The following EYS variants were observed in gnomAD, a reference collection of about 807,000 sequenced individuals.
EYS encodes the protein protein eyes shut homolog.
In EYS, 250 loss-of-function variants were observed where a neutral mutation model predicts 282.1. The observed-to-expected ratio is 0.89, with a 90% CI of 0.80 to 0.98. EYS has a LOEUF of 0.98. EYS is among the 50% of genes least tolerant of loss of function. The pLI is 0.00. For synonymous variants in EYS, 1,355 were observed against 1,282.9 expected, an observed-to-expected ratio of 1.06 and a Z score of -1.20; for missense variants, 4,016 against 3,709.0, an observed-to-expected ratio of 1.08 and a Z score of -2.15.
At chr6:65,018,151 T>C (rs1214760013) in intron 13 of EYS, among the ~76,000 whole-genome samples, 2 of 152,220 alleles carry the variant, frequency 1.3e-5, no homozygotes, top group African/African-American at 4.8e-5. Context: ...ATGTGTAATA[T>C]ATGTATGTAT....
At chr6:64,645,295 C>T (rs1369469133) in intron 22 of EYS, among the ~76,000 whole-genome samples, 1 of 152,120 alleles carries the variant, frequency 6.6e-6, no homozygotes, top group Admixed American at 6.6e-5. Flanking sequence ...AAAACAGAAG[C>T]ATTAAGATTT....
chr6:64,446,786 C>G (rs1483108422), intron 26 of EYS, among the ~76,000 whole-genome samples: 2 of 151,984 alleles, frequency 1.3e-5, no homozygotes, highest in Non-Finnish European at 2.9e-5. Context: ...GGTCCCATAT[C>G]TGGTAGTTAT....
intron 31 of EYS, among the ~76,000 whole-genome samples, chr6:64,096,502 C>T (rs1247369367): frequency 6.6e-6 from 1 of 152,284 alleles, no homozygotes; most frequent in Middle Eastern, 3.4e-3. Context: ...TCATTCATTT[C>T]ATCTTCCATC....
chr6:65,665,230 A>G (rs1324398118), intron 1 of EYS, among the ~76,000 whole-genome samples: 1 of 152,174 alleles, frequency 6.6e-6, no homozygotes, highest in Admixed American at 6.5e-5. Context: ...TTAAGGTATG[A>G]GAACTGAAGG....
intron 12 of EYS, among the ~76,000 whole-genome samples, chr6:65,285,847 T>TA (rs1219074515): frequency 6.6e-6 from 1 of 151,886 alleles, no homozygotes; most frequent in South Asian, 2.1e-4. Flanking sequence ...TATAATGGTA[T>TA]AAAAAATCAG....
At chr6:64,093,701 C>T (rs986127084) in intron 31 of EYS, among the ~76,000 whole-genome samples, 2 of 152,178 alleles carry the variant, frequency 1.3e-5, no homozygotes, top group African/African-American at 4.8e-5. Context: ...CATCTGCAAA[C>T]AGGGACAATT....
intron 12 of EYS, among the ~76,000 whole-genome samples, chr6:65,153,364 TGTG>T (rs1291583637): frequency 8.9e-4 from 1 of 1,120 alleles, no homozygotes. Flanking sequence ...AGATCATAAA[TGTG>T]TGTGTGTGTG....
At chr6:64,889,223 C>T (rs1243263717) in intron 18 of EYS, among the ~76,000 whole-genome samples, 3 of 151,878 alleles carry the variant, frequency 2.0e-5, no homozygotes, top group African/African-American at 7.3e-5. Flanking sequence ...TTGTCTTTTG[C>T]TCCCCAAATT....
At chr6:64,953,386 T>C (rs1368711118) in intron 14 of EYS, among the ~76,000 whole-genome samples, 3 of 151,782 alleles carry the variant, frequency 2.0e-5, no homozygotes. Context: ...ACTTTTGAAG[T>C]AAAATTTGTA....
intron 41 of EYS, among the ~76,000 whole-genome samples, chr6:63,739,177 C>T (rs116735713): frequency 9.5e-4 from 145 of 152,204 alleles, no homozygotes; most frequent in African/African-American, 3.3e-3. Context: ...ATTTGGCCAG[C>T]TAGAGCTCCT....
At chr6:63,809,515 T>C (rs1274283008) in intron 36 of EYS, among the ~76,000 whole-genome samples, 2 of 152,214 alleles carry the variant, frequency 1.3e-5, no homozygotes, top group Non-Finnish European at 2.9e-5. Flanking sequence ...GTCATGCATT[T>C]TTTTGTCAGT....
chr6:63,759,877 G>A (rs1769588363), intron 41 of EYS, among the ~76,000 whole-genome samples: 1 of 152,032 alleles, frequency 6.6e-6, no homozygotes, highest in Admixed American at 6.6e-5. Flanking sequence ...TGTGTTGGAA[G>A]GGCTTGAAGA....
chr6:65,093,281 AG>A (rs1428509083), intron 12 of EYS, among the ~76,000 whole-genome samples: 8 of 152,178 alleles, frequency 5.3e-5, no homozygotes, highest in African/African-American at 1.9e-4. Flanking sequence ...CTGCCTTACA[AG>A]AAATGCTAAA....
At chr6:64,160,718 A>G (rs895536987) in intron 31 of EYS, among the ~76,000 whole-genome samples, 13 of 152,224 alleles carry the variant, frequency 8.5e-5, no homozygotes, top group African/African-American at 2.7e-4. Flanking sequence ...AATGAATGAC[A>G]GGATATGTGC....
rs751610535 is a variant in EYS at position 63,721,521 on chromosome 6, A to G, written c.8510T>C (p.Ile2837Thr). The G allele has an allele frequency of 4.7e-5, 73 of 1,551,258 alleles. No homozygotes were observed. The highest frequency in any genetic ancestry group is 6.1e-5 in the Non-Finnish European group (70 of 1,146,636). ...TTGAAAACCTACAGGTTCATTTTCT[A>G]TTGCCATGGGATTTACAAGATTTAA... is the stretch of plus-strand genomic sequence containing the variant. The part of the protein sequence containing the change: ...SSLNLVNPMA[I>T]ENEPVGFQGC... The change falls in exon 43 of 43, where the codon ATA becomes ACA. Residue 2837 changes from isoleucine (I) to threonine (T), a missense_variant. Transcript: ENST00000503581.
intron 36 of EYS, among the ~76,000 whole-genome samples, chr6:63,836,166 A>G (rs1771800294): frequency 6.6e-6 from 1 of 152,060 alleles, no homozygotes; most frequent in African/African-American, 2.4e-5. Flanking sequence ...AATTTATTGC[A>G]CCATTTTAGA....
intron 22 of EYS, among the ~76,000 whole-genome samples, chr6:64,778,319 G>A (rs1405997236): frequency 6.6e-6 from 1 of 152,174 alleles, no homozygotes; most frequent in Non-Finnish European, 1.5e-5. Context: ...TAAATAAAAT[G>A]TTGCTTGTCC....
At chr6:65,387,935 T>G (rs1019246747) in intron 7 of EYS, among the ~76,000 whole-genome samples, 3 of 152,052 alleles carry the variant, frequency 2.0e-5, no homozygotes, top group African/African-American at 7.2e-5. Context: ...GTTTCAATGC[T>G]GTCATTGAAC....
At chr6:65,262,816 T>C (rs1184828372) in intron 12 of EYS, among the ~76,000 whole-genome samples, 1 of 152,038 alleles carries the variant, frequency 6.6e-6, no homozygotes, top group Non-Finnish European at 1.5e-5. Flanking sequence ...TTAAAAGATT[T>C]TAAGGGGACA....
Sources: gnomAD v4.1 joint callset for allele counts (sites outside exome capture counted in the v4.1 genomes callset) on GRCh38, gnomAD v4.1.1 for gene constraint, MANE v1.5 for transcripts, NCBI Gene and HGNC (gene_info 2026-07-23, HGNC 2026-07-21) for gene names.